PTPN3: variants seen among roughly 807,000 people sequenced by gnomAD.
The protein encoded by PTPN3 is protein tyrosine phosphatase non-receptor type 3.
Under a neutral mutation model 132.7 loss-of-function variants are expected in PTPN3, and 96 were observed. The observed-to-expected ratio is 0.72, with a 90% CI of 0.61 to 0.86. PTPN3 has a LOEUF of 0.86. Among genes scored for constraint, PTPN3 ranks in the 40% least tolerant of loss-of-function variants. The probability of loss-of-function intolerance (pLI) is 0.00; values close to 1 mark genes in which losing one functional copy is unlikely to be tolerated. For synonymous variants in PTPN3, 398 were observed against 429.0 expected (o/e 0.93, Z 0.89); for missense variants, 1,125 against 1,159.6 (o/e 0.97, Z 0.43).
intron 22 of PTPN3, among the ~76,000 whole-genome samples, chr9:109,386,808 G>A (rs1297868868): frequency 6.6e-6 from 1 of 152,186 alleles, no homozygotes; most frequent in East Asian, 1.9e-4. Context: ...ACAGGACCAG[G>A]CAACCCTCTG....
intron 23 of PTPN3, among the ~76,000 whole-genome samples, chr9:109,383,100 G>A (rs1839253903): frequency 6.6e-6 from 1 of 152,158 alleles, no homozygotes; most frequent in Non-Finnish European, 1.5e-5. Context: ...AGGATAATAT[G>A]CTCAAGGTTC....
intron 4 of PTPN3, among the ~76,000 whole-genome samples, 199 bp downstream of exon 4, chr9:109,456,974 G>A (rs543924316): frequency 1.3e-5 from 2 of 152,198 alleles, no homozygotes; most frequent in South Asian, 2.1e-4. Context: ...TCCCACAGCT[G>A]GGGCGGATCC....
chr9:109,484,847 C>T (rs1215798380), intron 1 of PTPN3, among the ~76,000 whole-genome samples: 3 of 152,156 alleles, frequency 2.0e-5, no homozygotes, highest in African/African-American at 7.2e-5. Context: ...CCTCTATGAC[C>T]CCCCATCCTG....
chr9:109,514,237 T>G, the PTPN3 span, among the ~76,000 whole-genome samples: 1 of 152,210 alleles, frequency 6.6e-6, no homozygotes, highest in Admixed American at 6.5e-5. Context: ...CCTCTCATTT[T>G]TCCCCCCAAA....
chr9:109,533,590 C>T, the PTPN3 span: 1 of 1,581,326 alleles, frequency 6.3e-7, no homozygotes, highest in South Asian at 1.1e-5. Flanking sequence ...GAGGAGGGCC[C>T]CTGCGGAATC....
intron 1 of PTPN3, among the ~76,000 whole-genome samples, chr9:109,496,882 A>T (rs1847691780): frequency 6.6e-6 from 1 of 152,218 alleles, no homozygotes; most frequent in African/African-American, 2.4e-5. Context: ...TCAATAGTGC[A>T]AGGCTGAGAA....
chr9:109,505,862 G>A, the PTPN3 span, among the ~76,000 whole-genome samples: 1 of 151,490 alleles, frequency 6.6e-6, no homozygotes, highest in Non-Finnish European at 1.5e-5. Flanking sequence ...CCATTCTTCT[G>A]CCTCAGCCTC....
intron 1 of PTPN3, among the ~76,000 whole-genome samples, chr9:109,483,992 T>C (rs969800380): frequency 6.6e-6 from 1 of 152,210 alleles, no homozygotes; most frequent in African/African-American, 2.4e-5. Context: ...AATCATTTTG[T>C]ATAAAGTGTG....
intron 1 of PTPN3, among the ~76,000 whole-genome samples, chr9:109,467,291 T>C (rs758302489): frequency 6.6e-6 from 1 of 151,820 alleles, no homozygotes; most frequent in African/African-American, 2.4e-5. Flanking sequence ...AAAGACACAA[T>C]AGAACCATTT....
chr9:109,505,418 G>A, the PTPN3 span, among the ~76,000 whole-genome samples: 7 of 152,200 alleles, frequency 4.6e-5, no homozygotes, highest in Non-Finnish European at 7.4e-5. Context: ...GACTAGAGGC[G>A]CATGCCACCA....
chr9:109,404,313 G>T (rs2131718392), intron 19 of PTPN3, 135 bp downstream of exon 19: 1 of 632,898 alleles, frequency 1.6e-6, no homozygotes, highest in Non-Finnish European at 2.3e-6. Flanking sequence ...GACTGCTTTT[G>T]GTTTGTGAAA....
chr9:109,447,492 G>GA (rs1490196909), intron 6 of PTPN3, among the ~76,000 whole-genome samples: 1 of 152,046 alleles, frequency 6.6e-6, no homozygotes, highest in African/African-American at 2.4e-5. Context: ...CTGAAGACCT[G>GA]TAGATTGTGC....
At position 109,457,168 on chromosome 9, in the gene PTPN3, C is replaced by T; in HGVS notation, c.289+5G>A. The T allele has an allele frequency of 6.2e-7, 1 of 1,613,288 alleles. No individual in the cohort carries two copies. The highest frequency in any genetic ancestry group is 8.5e-7 in the Non-Finnish European group (1 of 1,179,218). On this transcript the variant is annotated splice_donor_5th_base_variant and intron_variant, in intron 4 of 25. Coordinates refer to ENST00000374541, the MANE Select transcript of PTPN3 (RefSeq NM_002829.4). ...GTTCGACTGAAATGAAAAGATCACA[C>T]CAACCTTTTAACTGCTTCCTGATGG...
At chr9:109,534,396 A>G in the PTPN3 span, 6 of 1,448,124 alleles carry the variant, frequency 4.1e-6, no homozygotes, top group Middle Eastern at 2.5e-4. Context: ...GTGTGATGGT[A>G]GCTAGGCCAG....
chr9:109,509,841 G>C, the PTPN3 span, among the ~76,000 whole-genome samples: 1 of 151,686 alleles, frequency 6.6e-6, no homozygotes, highest in Non-Finnish European at 1.5e-5. Flanking sequence ...GCTTGTGCCA[G>C]TTATGGAAAG....
chr9:109,388,741 C>T (rs1165816642), intron 22 of PTPN3, among the ~76,000 whole-genome samples: 3 of 152,188 alleles, frequency 2.0e-5, no homozygotes, highest in African/African-American at 7.2e-5. Flanking sequence ...TGGGGGCTCC[C>T]TTTTCTCTGA....
chr9:109,445,185 C>T, intron 7 of PTPN3, 55 bp downstream of exon 7: 1 of 1,554,790 alleles, frequency 6.4e-7, no homozygotes, highest in South Asian at 1.1e-5. Flanking sequence ...TGACTTTCTC[C>T]ACACACTGAT....
At chr9:109,382,696 G>C (rs1165054884) in intron 23 of PTPN3, among the ~76,000 whole-genome samples, 2 of 151,092 alleles carry the variant, frequency 1.3e-5, no homozygotes, top group Non-Finnish European at 2.9e-5. Flanking sequence ...TCTGCCCAGT[G>C]ATCTCCTCCA....
intron 1 of PTPN3, among the ~76,000 whole-genome samples, chr9:109,477,514 T>G (rs1846737952): frequency 6.6e-6 from 1 of 152,244 alleles, no homozygotes; most frequent in South Asian, 2.1e-4. Flanking sequence ...TCAGAAGCAT[T>G]AAAGTGTGGC....
Sources: gnomAD v4.1 joint callset for allele counts (sites outside exome capture counted in the v4.1 genomes callset) on GRCh38, gnomAD v4.1.1 for gene constraint, MANE v1.5 for transcripts, NCBI Gene and HGNC (gene_info 2026-07-23, HGNC 2026-07-21) for gene names.